Variants in TNR observed in about 807,000 individuals in gnomAD.
TNR encodes tenascin R.
TNR carries 45 observed loss-of-function variants against 150.4 expected under a neutral mutation model. That is an observed-to-expected ratio of 0.30 (90% CI 0.24 to 0.38). TNR has a LOEUF of 0.38. TNR is among the 10% of genes least tolerant of loss of function. The pLI is 1.00. For synonymous variants in TNR, 687 were observed against 678.4 expected, an observed-to-expected ratio of 1.01 and a Z score of -0.20; for missense variants, 1,544 against 1,759.1, an observed-to-expected ratio of 0.88 and a Z score of 2.19.
chr1:175,416,004 A>T (rs1253123760), intron 2 of TNR, among the ~76,000 whole-genome samples: 1 of 152,098 alleles, frequency 6.6e-6, no homozygotes, highest in Non-Finnish European at 1.5e-5. Flanking sequence ...TTTAAATTTT[A>T]TGATGCATGG....
chr1:175,431,410 C>A (rs558276667), intron 2 of TNR, among the ~76,000 whole-genome samples: 1 of 152,266 alleles, frequency 6.6e-6, no homozygotes, highest in South Asian at 2.1e-4. Flanking sequence ...TAATGTAAAA[C>A]AGATTTAAGA....
intron 1 of TNR, among the ~76,000 whole-genome samples, chr1:175,666,748 G>A (rs185326856): frequency 5.3e-4 from 80 of 152,226 alleles, no homozygotes; most frequent in Middle Eastern, 3.4e-3. Flanking sequence ...CCCTAGATTC[G>A]TTGTTGTTAT....
At chr1:175,581,395 G>A (rs1662342055) in intron 1 of TNR, among the ~76,000 whole-genome samples, 1 of 152,192 alleles carries the variant, frequency 6.6e-6, no homozygotes, top group Admixed American at 6.5e-5. Context: ...AAGAAACGGA[G>A]GTCCCAGCTC....
intron 1 of TNR, among the ~76,000 whole-genome samples, chr1:175,556,263 C>G (rs1367292021): frequency 2.0e-5 from 3 of 152,168 alleles, no homozygotes; most frequent in Non-Finnish European, 4.4e-5. Context: ...AAACACCAAG[C>G]TCAACACACC....
chr1:175,559,008 G>A (rs566687548), intron 1 of TNR, among the ~76,000 whole-genome samples: 9 of 152,318 alleles, frequency 5.9e-5, no homozygotes, highest in Middle Eastern at 3.4e-3. Flanking sequence ...AAGGTTGTGC[G>A]TGTGTTGGGG....
At chr1:175,404,757 G>C (rs1156376473) in intron 3 of TNR, among the ~76,000 whole-genome samples, 1 of 152,242 alleles carries the variant, frequency 6.6e-6, no homozygotes, top group Non-Finnish European at 1.5e-5. Flanking sequence ...GAGCTGCAGA[G>C]TCCATGCTCA....
At chr1:175,560,141 C>T (rs546664492) in intron 1 of TNR, among the ~76,000 whole-genome samples, 1 of 152,238 alleles carries the variant, frequency 6.6e-6, no homozygotes, top group Non-Finnish European at 1.5e-5. Flanking sequence ...CAGTCTGTAC[C>T]TGCTCAGCTT....
At chr1:175,333,812 G>A (rs1389886815) in intron 20 of TNR, among the ~76,000 whole-genome samples, 1 of 152,188 alleles carries the variant, frequency 6.6e-6, no homozygotes, top group Non-Finnish European at 1.5e-5. Flanking sequence ...GGTGAGGACT[G>A]GCTCTGTGGA....
intron 1 of TNR, among the ~76,000 whole-genome samples, chr1:175,737,756 C>T (rs966844719): frequency 1.3e-5 from 2 of 152,152 alleles, no homozygotes; most frequent in Non-Finnish European, 2.9e-5. Flanking sequence ...ATTATAGAAG[C>T]CAAGTTGGGG....
chr1:175,732,342 A>G (rs1424991697), intron 1 of TNR, among the ~76,000 whole-genome samples: 1 of 152,246 alleles, frequency 6.6e-6, no homozygotes, highest in Non-Finnish European at 1.5e-5. Context: ...AATAAGCCAC[A>G]AAGTGAATGA....
At chr1:175,516,999 T>A (rs1659432030) in intron 2 of TNR, among the ~76,000 whole-genome samples, 1 of 139,416 alleles carries the variant, frequency 7.2e-6, no homozygotes. Context: ...CACAAATTAG[T>A]ACATCTGAAA....
chr1:175,365,760 CCT>C, intron 11 of TNR, 113 bp downstream of exon 11: 1 of 1,446,956 alleles, frequency 6.9e-7, no homozygotes, highest in Non-Finnish European at 9.3e-7. Context: ...TTTCTACCCA[CCT>C]CTCTTTTCTC....
intron 2 of TNR, among the ~76,000 whole-genome samples, chr1:175,460,249 G>A (rs943061680): frequency 6.6e-6 from 1 of 152,088 alleles, no homozygotes; most frequent in Non-Finnish European, 1.5e-5. Flanking sequence ...GCCCAAGGTA[G>A]AGTGACCAGG....
chr1:175,631,971 A>G (rs142022835), intron 1 of TNR, among the ~76,000 whole-genome samples: 2 of 152,368 alleles, frequency 1.3e-5, no homozygotes, highest in East Asian at 3.9e-4. Context: ...TATCATTGCT[A>G]ACAATAGCAA....
At chr1:175,733,519 GT>G (rs1383206513) in intron 1 of TNR, among the ~76,000 whole-genome samples, 2 of 152,124 alleles carry the variant, frequency 1.3e-5, no homozygotes, top group African/African-American at 2.4e-5. Flanking sequence ...GGCTGCCTGA[GT>G]TTCTCATTCT....
intron 1 of TNR, among the ~76,000 whole-genome samples, chr1:175,537,869 A>G (rs1290698523): frequency 1.3e-5 from 2 of 152,180 alleles, no homozygotes; most frequent in African/African-American, 2.4e-5. Flanking sequence ...TGGTTGGGTA[A>G]TGGTGCAGAA....
chr1:175,428,078 C>T (rs893191315), intron 2 of TNR, among the ~76,000 whole-genome samples: 2 of 152,160 alleles, frequency 1.3e-5, no homozygotes, highest in Admixed American at 6.5e-5. Flanking sequence ...AGAAGATAGA[C>T]ATTCTACTTC....
chr1:175,368,593 C>T (rs1420570563), intron 9 of TNR, among the ~76,000 whole-genome samples: 2 of 152,198 alleles, frequency 1.3e-5, no homozygotes, highest in Non-Finnish European at 2.9e-5. Flanking sequence ...TCTTTGAGGG[C>T]TATTTCATCT....
chr1:175,324,854 C>T (rs1371167564), intron 21 of TNR, among the ~76,000 whole-genome samples: 1 of 152,048 alleles, frequency 6.6e-6, no homozygotes, highest in African/African-American at 2.4e-5. Context: ...CATGGTTCCT[C>T]CTGTCTTCAG....
Sources: gnomAD v4.1 joint callset for allele counts (sites outside exome capture counted in the v4.1 genomes callset) on GRCh38, gnomAD v4.1.1 for gene constraint, MANE v1.5 for transcripts, NCBI Gene and HGNC (gene_info 2026-07-23, HGNC 2026-07-21) for gene names.